Variants in TTLL11 observed in about 807,000 individuals in gnomAD.
The protein encoded by TTLL11 is tubulin polyglutamylase TTLL11.
In TTLL11, 42 loss-of-function variants were observed where a neutral mutation model predicts 51.7. The ratio of observed to expected loss-of-function variants is 0.81; its 90% CI spans 0.64 to 1.05. TTLL11 has a LOEUF of 1.05. TTLL11 is among the 50% of genes least tolerant of loss of function. The pLI is 0.00. For synonymous variants in TTLL11, 381 were observed against 383.5 expected, an observed-to-expected ratio of 0.99 and a Z score of 0.08; for missense variants, 799 against 940.4, an observed-to-expected ratio of 0.85 and a Z score of 1.97.
intron 3 of TTLL11, among the ~76,000 whole-genome samples, chr9:122,012,524 T>C (rs2131752117): frequency 6.6e-6 from 1 of 152,160 alleles, no homozygotes; most frequent in South Asian, 2.1e-4. Flanking sequence ...TACGGCAAGG[T>C]AGCAAGATTG....
At chr9:121,884,786 G>A (rs867192367) in intron 6 of TTLL11, 4 of 152,306 alleles carry the variant, frequency 2.6e-5, no homozygotes, top group South Asian at 2.1e-4. Flanking sequence ...TACCTCTCCT[G>A]TCCTGCTCAG....
chr9:121,888,255 G>C (rs1269457203), intron 6 of TTLL11, among the ~76,000 whole-genome samples: 1 of 152,236 alleles, frequency 6.6e-6, no homozygotes, highest in African/African-American at 2.4e-5. Context: ...ACTGCTCCCA[G>C]AGAGCACTGG....
chr9:121,831,648 C>T (rs1205830385), intron 8 of TTLL11, among the ~76,000 whole-genome samples: 3 of 149,854 alleles, frequency 2.0e-5, no homozygotes, highest in Non-Finnish European at 3.0e-5. Flanking sequence ...TGCAGTGAGC[C>T]GAGATTGTGC....
At position 122,093,099 on chromosome 9, in the gene TTLL11, TCCGCCTC is replaced by T; in HGVS notation, c.43_49del (p.Glu15ArgfsTer127). 1 of 1,499,864 alleles carries T rather than the reference TCCGCCTC, an allele frequency of 6.7e-7. No homozygotes were observed. The highest frequency in any genetic ancestry group is 8.8e-7 in the Non-Finnish European group (1 of 1,131,508). The allele number at this position is 1,499,864 out of a possible 1,614,324, so 92.9% of individuals were successfully genotyped here. ...CGCCGCTTTGGCCGCAGCCACCGCC[TCCGCCTC>T]CCACCGGGCCGCCAGCTCGCTCTCG... On this transcript the variant is annotated frameshift_variant, in exon 1 of 9. Transcript: ENST00000321582. LOFTEE classifies it high-confidence loss of function.
intron 8 of TTLL11, among the ~76,000 whole-genome samples, chr9:121,823,986 C>A (rs1341786053): frequency 6.6e-6 from 1 of 152,158 alleles, no homozygotes; most frequent in Admixed American, 6.6e-5. Context: ...CTGCGACTTG[C>A]TCTGTGTCTA....
At chr9:122,038,604 G>T (rs891688206) in intron 2 of TTLL11, among the ~76,000 whole-genome samples, 1 of 152,198 alleles carries the variant, frequency 6.6e-6, no homozygotes, top group Non-Finnish European at 1.5e-5. Context: ...AGCCAAGATC[G>T]TGCTGCTGCT....
chr9:121,918,993 G>C (rs1840433212), intron 6 of TTLL11, among the ~76,000 whole-genome samples: 1 of 152,218 alleles, frequency 6.6e-6, no homozygotes, highest in South Asian at 2.1e-4. Flanking sequence ...CAAGGCTTCT[G>C]GGGTCCTGGT....
chr9:121,870,675 A>C lies in TTLL11; in HGVS notation c.1555T>G (p.Cys519Gly), dbSNP rs1838327281. 3 of 1,551,664 alleles carry C rather than the reference A, an allele frequency of 1.9e-6. No individual in the cohort carries two copies. The African/African-American group carries it at 4.1e-5, about 21-fold the overall frequency. ...LDGELTSAPD[C>G]NANPEAHLPS... ...AGGTGGGCTTCGGGGTTGGCGTTGC[A>C]GTCTGGAGCACTGGTCAGCTCGCCG... Residue 519 changes from cysteine (C) to glycine (G), a missense_variant, in exon 7 of 9, where the codon TGC becomes GGC. Physicochemically the swap from Cys to Gly is radical, Grantham distance 159 (BLOSUM62 -3). Transcript: ENST00000321582.
chr9:121,936,250 C>CTTCT (rs1373713714), intron 6 of TTLL11, among the ~76,000 whole-genome samples: 32 of 145,310 alleles, frequency 2.2e-4, no homozygotes, highest in South Asian at 6.4e-4. Context: ...AGACCTCTTT[C>CTTCT]TTCTTTCTTT....
At chr9:121,980,663 T>A (rs1306685962) in intron 4 of TTLL11, among the ~76,000 whole-genome samples, 1 of 152,246 alleles carries the variant, frequency 6.6e-6, no homozygotes, top group Non-Finnish European at 1.5e-5. Context: ...TTACTGGGTA[T>A]ATACCTAAAG....
At chr9:121,884,442 C>T (rs974383700) in intron 6 of TTLL11, among the ~76,000 whole-genome samples, 5 of 152,136 alleles carry the variant, frequency 3.3e-5, no homozygotes, top group Non-Finnish European at 5.9e-5. Context: ...GTCATGGCAA[C>T]ATCCACTGAC....
chr9:122,073,118 T>A (rs1845770402), intron 1 of TTLL11, among the ~76,000 whole-genome samples: 1 of 152,080 alleles, frequency 6.6e-6, no homozygotes, highest in South Asian at 2.1e-4. Context: ...GAATTTAAAA[T>A]CTGGTGGGAG....
intron 1 of TTLL11, among the ~76,000 whole-genome samples, chr9:122,077,833 C>CAA (rs11286316): frequency 9.9e-4 from 98 of 99,208 alleles, no homozygotes; most frequent in Middle Eastern, 5.8e-3. Context: ...CAAAAACCTG[C>CAA]AAAAAAAAAA....
chr9:121,921,578 C>A (rs1057496252), intron 6 of TTLL11, among the ~76,000 whole-genome samples: 1 of 152,186 alleles, frequency 6.6e-6, no homozygotes, highest in Admixed American at 6.5e-5. Context: ...CCTCAGTAAT[C>A]CCTCCCCAGT....
chr9:121,989,790 T>C lies in TTLL11; in HGVS notation c.694-20A>G. Reference sequence around the variant, plus strand: ...TTGAACCTGGAGGGGGAAAAAAGGATGGCCGACATTATATTGTTTTCCCTC... The same window carrying C: ...TTGAACCTGGAGGGGGAAAAAAGGACGGCCGACATTATATTGTTTTCCCTC... On this transcript the variant is annotated intron_variant, in intron 3 of 8. Coordinates refer to ENST00000321582, the MANE Select transcript of TTLL11 (RefSeq NM_001139442.2). This position sits in a 1 kb window ranked among gnomAD's most constrained non-coding sequence, Gnocchi z 4.2. 1 of 1,570,218 alleles carries C rather than the reference T, an allele frequency of 6.4e-7. No homozygotes were observed.
intron 6 of TTLL11, among the ~76,000 whole-genome samples, chr9:121,953,610 G>A (rs1412974872): frequency 8.1e-5 from 12 of 147,492 alleles, no homozygotes; most frequent in African/African-American, 2.8e-4. Context: ...TCCAGCCTGG[G>A]TGACAGAGCA....
At chr9:122,017,472 C>CTT (rs146107264) in intron 3 of TTLL11, among the ~76,000 whole-genome samples, 23,528 of 127,672 alleles carry the variant, frequency 0.18, 2,443 homozygotes, top group Non-Finnish European at 0.24. Flanking sequence ...CAGGGTGAGG[C>CTT]TTTTTTTTTT....
chr9:121,931,584 T>TAAAAAAAAAAA (rs757552624), intron 6 of TTLL11, among the ~76,000 whole-genome samples: 2 of 130,734 alleles, frequency 1.5e-5, no homozygotes, highest in East Asian at 2.2e-4. Context: ...TTCTACTATT[T>TAAAAAAAAAAA]AAAAAAAAAA....
intron 6 of TTLL11, among the ~76,000 whole-genome samples, chr9:121,940,791 T>C (rs1841428805): frequency 6.6e-6 from 1 of 152,262 alleles, no homozygotes; most frequent in African/African-American, 2.4e-5. Flanking sequence ...CATTTGCTGA[T>C]CTCCTCTTTT....
Sources: gnomAD v4.1 joint callset for allele counts (sites outside exome capture counted in the v4.1 genomes callset) on GRCh38, gnomAD v4.1.1 for gene constraint, Gnocchi (gnomAD v3.1) non-coding constraint, MANE v1.5 for transcripts, NCBI Gene and HGNC (gene_info 2026-07-23, HGNC 2026-07-21) for gene names.